Variants in THRB observed in about 807,000 individuals in gnomAD.
THRB encodes nuclear receptor subfamily 1 group A member 2.
A neutral mutation model predicts 47.8 loss-of-function variants in THRB; 12 were observed. That is an observed-to-expected ratio of 0.25 (90% CI 0.16 to 0.41). THRB has a LOEUF of 0.41. Ranked by LOEUF, THRB falls within the 10% of genes least tolerant of loss-of-function variation. THRB has a pLI of 1.00. For missense variants in THRB, 348 were observed against 589.2 expected, an observed-to-expected ratio of 0.59 and a Z score of 4.24; for synonymous variants, 218 against 212.2, an observed-to-expected ratio of 1.03 and a Z score of -0.24.
chr3:24,406,847 T>C (rs944655362), intron 1 of THRB, among the ~76,000 whole-genome samples: 1 of 151,888 alleles, frequency 6.6e-6, no homozygotes, highest in African/African-American at 2.4e-5. Flanking sequence ...TTTTAATTTC[T>C]TGGTAAGTGG....
At chr3:24,364,632 C>T (rs2064322543) in intron 1 of THRB, among the ~76,000 whole-genome samples, 1 of 152,096 alleles carries the variant, frequency 6.6e-6, no homozygotes. Context: ...CAAAATCTTT[C>T]TGCTTCATCA....
chr3:24,335,870 G>A (rs1314500757), intron 2 of THRB, among the ~76,000 whole-genome samples: 1 of 152,038 alleles, frequency 6.6e-6, no homozygotes, highest in Non-Finnish European at 1.5e-5. Context: ...GTATTGGGAG[G>A]TGCCCCCAGT....
intron 1 of THRB, among the ~76,000 whole-genome samples, chr3:24,370,607 C>T (rs2064834536): frequency 6.6e-6 from 1 of 152,076 alleles, no homozygotes; most frequent in African/African-American, 2.4e-5. Flanking sequence ...AGAACATTCT[C>T]TAGTAGTGAC....
At chr3:24,257,916 T>C (rs985094751) in intron 3 of THRB, among the ~76,000 whole-genome samples, 5 of 152,232 alleles carry the variant, frequency 3.3e-5, no homozygotes, top group African/African-American at 1.2e-4. Flanking sequence ...AGAAGCTCAG[T>C]TATGTGGCTT....
intron 1 of THRB, among the ~76,000 whole-genome samples, chr3:24,364,229 A>T (rs2064289389): frequency 1.3e-5 from 2 of 152,214 alleles, no homozygotes; most frequent in Admixed American, 6.6e-5. Context: ...TCAGAGGAGC[A>T]TGAGCAAAAT....
At chr3:24,447,707 T>C (rs1012651650) in intron 1 of THRB, among the ~76,000 whole-genome samples, 3 of 152,038 alleles carry the variant, frequency 2.0e-5, no homozygotes, top group African/African-American at 7.2e-5. Context: ...AGACATTAGA[T>C]AATAAATCCC....
chr3:24,298,170 G>A (rs906471959), intron 2 of THRB, among the ~76,000 whole-genome samples: 4 of 152,056 alleles, frequency 2.6e-5, no homozygotes, highest in African/African-American at 9.7e-5. Flanking sequence ...ATTTATTTTG[G>A]TTTCAACTTT....
intron 1 of THRB, among the ~76,000 whole-genome samples, chr3:24,345,829 CATTGTATTG>C (rs1183971105): frequency 6.6e-6 from 1 of 151,948 alleles, no homozygotes; most frequent in African/African-American, 2.4e-5. Flanking sequence ...TGGATTGGTT[CATTGTATTG>C]ATTGTGGGGA....
chr3:24,165,271 C>A (rs773045868), intron 5 of THRB: 1 of 764,990 alleles, frequency 1.3e-6, no homozygotes, highest in African/African-American at 1.7e-5. Context: ...CTTCAAAATA[C>A]GCGTAATAAT....
At chr3:24,273,418 C>T (rs1231164167) in intron 3 of THRB, among the ~76,000 whole-genome samples, 1 of 152,128 alleles carries the variant, frequency 6.6e-6, no homozygotes, top group Admixed American at 6.5e-5. Context: ...TAATTAATAT[C>T]TCTTATCATC....
At chr3:24,492,338 A>G (rs906785654) in intron 1 of THRB, among the ~76,000 whole-genome samples, 1 of 152,226 alleles carries the variant, frequency 6.6e-6, no homozygotes, top group Non-Finnish European at 1.5e-5. Context: ...TGCAAATACA[A>G]TAAAGGAAAG....
At chr3:24,429,541 G>T (rs1351768663) in intron 1 of THRB, among the ~76,000 whole-genome samples, 2 of 152,018 alleles carry the variant, frequency 1.3e-5, no homozygotes, top group African/African-American at 4.8e-5. Context: ...GCTCTGTCCT[G>T]TCAAAAAATT....
chr3:24,390,655 A>C (rs759102169), intron 1 of THRB, among the ~76,000 whole-genome samples: 43 of 152,080 alleles, frequency 2.8e-4, no homozygotes, highest in Admixed American at 4.6e-4. Context: ...ATGGCCTTGA[A>C]TCCTCAGGTT....
At chr3:24,325,953 C>T (rs747162999) in intron 2 of THRB, among the ~76,000 whole-genome samples, 3 of 150,952 alleles carry the variant, frequency 2.0e-5, no homozygotes, top group Non-Finnish European at 4.4e-5. Context: ...GACTGATAGC[C>T]CTCCTTCCCT....
intron 1 of THRB, among the ~76,000 whole-genome samples, chr3:24,395,998 G>A (rs2066931391): frequency 1.3e-5 from 2 of 152,066 alleles, no homozygotes; most frequent in African/African-American, 2.4e-5. Context: ...TGGGAGAAAT[G>A]GGGACTGACT....
intron 1 of THRB, among the ~76,000 whole-genome samples, chr3:24,469,765 T>C (rs2074419603): frequency 1.3e-5 from 2 of 152,168 alleles, no homozygotes. Context: ...TATGAGCGCG[T>C]GGTAAAGAGT....
chr3:24,344,141 A>C (rs1011972815), intron 1 of THRB, among the ~76,000 whole-genome samples: 4 of 151,876 alleles, frequency 2.6e-5, no homozygotes, highest in Non-Finnish European at 4.4e-5. Context: ...TTATACAATT[A>C]TCATAGTAAA....
intron 4 of THRB, among the ~76,000 whole-genome samples, chr3:24,227,856 G>A (rs188433779): frequency 6.6e-6 from 1 of 152,260 alleles, no homozygotes; most frequent in Non-Finnish European, 1.5e-5. Context: ...TAACAAAAAG[G>A]ACAGTGGTGG....
intron 5 of THRB, among the ~76,000 whole-genome samples, chr3:24,177,752 T>G (rs1001015844): frequency 6.6e-6 from 1 of 152,170 alleles, no homozygotes; most frequent in African/African-American, 2.4e-5. Flanking sequence ...AATCCAGAAA[T>G]GGCAAATTGA....
Sources: allele counts gnomAD v4.1 joint callset (sites outside exome capture counted in the v4.1 genomes callset), GRCh38; gene constraint gnomAD v4.1.1; transcripts MANE v1.5; gene names NCBI Gene and HGNC (gene_info 2026-07-23, HGNC 2026-07-21).